SNX7: variants seen among roughly 807,000 people sequenced by gnomAD.
SNX7 encodes the protein sorting nexin-7.
Under a neutral mutation model 48.4 loss-of-function variants are expected in SNX7, and 35 were observed. That is an observed-to-expected ratio of 0.72 (90% CI 0.55 to 0.96). The LOEUF (loss-of-function observed/expected upper bound fraction) is 0.96, where lower values mean the gene tolerates loss of function less well. SNX7 is among the 40% of genes least tolerant of loss of function. SNX7 has a pLI of 0.00. For missense variants in SNX7, 553 were observed against 548.9 expected (o/e 1.01, Z -0.07); for synonymous variants, 190 against 190.2 (o/e 1.00, Z 0.01).
chr1:98,691,424 A>G (rs1570521785), intron 3 of SNX7, 111 bp from the exon 4 acceptor site: 1 of 933,362 alleles, frequency 1.1e-6, no homozygotes, highest in South Asian at 2.8e-5. Context: ...AATTATTTTT[A>G]TAAGAAATGA....
intron 8 of SNX7, among the ~76,000 whole-genome samples, chr1:98,740,078 T>A (rs1653995475): frequency 6.6e-6 from 1 of 152,158 alleles, no homozygotes; most frequent in Non-Finnish European, 1.5e-5. Context: ...TGGTTTTGTT[T>A]TGTTTTGTTT....
In SNX7 at chr1:98,738,348, T is replaced by C; in HGVS notation, c.1237T>C (p.Phe413Leu). The stretch of plus-strand genomic sequence containing the variant: ...TATGCAAAATGATATCAAGTTAGCA[T>C]TTACAGATATGGCTGAGGAGAATAT... ...QNMQNDIKLAFTDMAEENIHY... is the reference protein window; with the variant it reads ...QNMQNDIKLALTDMAEENIHY... Residue 413 changes from phenylalanine to leucine, a missense_variant, in exon 8 of 9, where the codon TTT becomes CTT. Transcript: ENST00000306121. The C allele has an allele frequency of 6.2e-7, 1 of 1,613,486 alleles. No individual in the cohort carries two copies. The highest frequency in any genetic ancestry group is 2.2e-5 in the East Asian group (1 of 44,770).
chr1:98,721,592 A>G (rs768912825), intron 7 of SNX7, among the ~76,000 whole-genome samples: 4 of 152,098 alleles, frequency 2.6e-5, no homozygotes, highest in Non-Finnish European at 5.9e-5. Context: ...GAAAAATAAT[A>G]TTTACCTTAC....
At chr1:98,745,207 G>T (rs763813880) in intron 8 of SNX7, among the ~76,000 whole-genome samples, 1 of 151,942 alleles carries the variant, frequency 6.6e-6, no homozygotes, top group South Asian at 2.1e-4. Flanking sequence ...TGCAATAGAG[G>T]TGTAATAGAT....
intron 1 of SNX7, among the ~76,000 whole-genome samples, chr1:98,678,360 C>T (rs1650289258): frequency 6.6e-6 from 1 of 152,158 alleles, no homozygotes; most frequent in South Asian, 2.1e-4. Context: ...CAGACACCTC[C>T]CACTAGGCCT....
At chr1:98,689,277 A>G (rs997423931) in intron 2 of SNX7, among the ~76,000 whole-genome samples, 15 of 152,196 alleles carry the variant, frequency 9.9e-5, no homozygotes, top group African/African-American at 3.6e-4. Flanking sequence ...GTCTTGTTCC[A>G]AACCCTGCTG....
At chr1:98,716,615 A>G (rs890078122) in intron 7 of SNX7, among the ~76,000 whole-genome samples, 1 of 152,162 alleles carries the variant, frequency 6.6e-6, no homozygotes, top group Admixed American at 6.6e-5. Flanking sequence ...GGAGATTTTG[A>G]TAAGAAAGTT....
chr1:98,662,860 A>G, intron 1 of SNX7: 2 of 1,287,786 alleles, frequency 1.6e-6, no homozygotes, highest in Non-Finnish European at 2.0e-6. Context: ...ACTCTGGGAG[A>G]GCAAACCAAA....
intron 7 of SNX7, among the ~76,000 whole-genome samples, chr1:98,730,707 A>G (rs6658253): frequency 0.29 from 43,702 of 151,940 alleles, 6,815 homozygotes; most frequent in Non-Finnish European, 0.34. Context: ...GAAGTGAAGG[A>G]CCTCTTTAAG....
At chr1:98,662,381 G>A (rs1413597431) in intron 1 of SNX7, 4 of 175,056 alleles carry the variant, frequency 2.3e-5, no homozygotes, top group African/African-American at 9.5e-5. Flanking sequence ...TTTGAGACTT[G>A]GGTGAGTCTC....
At chr1:98,689,154 C>T (rs1404876274) in intron 2 of SNX7, among the ~76,000 whole-genome samples, 8 of 152,120 alleles carry the variant, frequency 5.3e-5, no homozygotes, top group African/African-American at 2.4e-5. Flanking sequence ...CTGCCTGCCT[C>T]GGCCTCCCAA....
At chr1:98,662,028 G>C (rs1649257196) in intron 1 of SNX7, 117 bp downstream of exon 1, 1 of 1,099,200 alleles carries the variant, frequency 9.1e-7, no homozygotes, top group Admixed American at 4.3e-5. Context: ...GCTCTGAGCT[G>C]GGGACGAGTG....
chr1:98,718,726 TA>T (rs1424555138), intron 7 of SNX7, among the ~76,000 whole-genome samples: 7 of 152,180 alleles, frequency 4.6e-5, no homozygotes, highest in Admixed American at 4.6e-4. Flanking sequence ...TATTGTTAGT[TA>T]CTTCTGTAGC....
intron 7 of SNX7, among the ~76,000 whole-genome samples, chr1:98,732,269 C>T (rs895795113): frequency 2.6e-5 from 4 of 151,958 alleles, no homozygotes; most frequent in African/African-American, 9.7e-5. Context: ...TAGGGACATG[C>T]GTGGAGGAAA....
chr1:98,711,921 G>T lies in SNX7; in HGVS notation c.1125+10018G>T, dbSNP rs973438066. On this transcript the variant is annotated intron_variant, in intron 7 of 8. Transcript: ENST00000306121. ...GTTTTCATAATATTCTGAGTTCTTT[G>T]TTGTCATTTTAAGAATACTCACAGC... 5.3e-5 allele frequency among the ~76,000 whole-genome samples: 8 copies of T among 152,144 alleles called. No homozygotes were observed. In the South Asian group the frequency reaches 1.7e-3, roughly 31 times the overall value.
chr1:98,669,073 A>G (rs999011913), intron 1 of SNX7, among the ~76,000 whole-genome samples: 1 of 152,152 alleles, frequency 6.6e-6, no homozygotes, highest in Non-Finnish European at 1.5e-5. Context: ...CAACTGGACT[A>G]TGTTCTGCCA....
chr1:98,701,845 A>C lies in SNX7; in HGVS notation c.1067A>C (p.Gln356Pro). ...MGVMKRRDQI[Q>P]AELDSKVEVL... ...GTTATGAAAAGAAGAGACCAAATAC[A>C]AGCAGAACTGGATTCCAAAGTTGAA... The change falls in exon 7 of 9, where the codon CAA becomes CCA. Residue 356 changes from glutamine (Q) to proline (P), a missense_variant. Physicochemically the swap from Gln to Pro is moderately conservative, Grantham distance 76. Coordinates refer to ENST00000306121, the MANE Select transcript of SNX7 (RefSeq NM_015976.5). 1 of 1,611,370 alleles carries C rather than the reference A, an allele frequency of 6.2e-7. No individual in the cohort carries two copies. The highest frequency in any genetic ancestry group is 1.7e-5 in the Admixed American group (1 of 59,732).
chr1:98,673,705 G>C (rs180696946), intron 1 of SNX7, among the ~76,000 whole-genome samples: 2 of 152,300 alleles, frequency 1.3e-5, no homozygotes, highest in Admixed American at 1.3e-4. Context: ...GGGTGGTTGA[G>C]TCTTGCTATC....
intron 7 of SNX7, among the ~76,000 whole-genome samples, chr1:98,702,807 T>C (rs1651819709): frequency 6.6e-6 from 1 of 151,974 alleles, no homozygotes; most frequent in African/African-American, 2.4e-5. Flanking sequence ...TTCTACTGAG[T>C]GCATTATGAA....
Sources: gnomAD v4.1 joint callset for allele counts (sites outside exome capture counted in the v4.1 genomes callset) on GRCh38, gnomAD v4.1.1 for gene constraint, MANE v1.5 for transcripts, NCBI Gene and HGNC (gene_info 2026-07-23, HGNC 2026-07-21) for gene names.